The following ANKRD30BL variants were observed in gnomAD, a reference collection of about 807,000 sequenced individuals.
ANKRD30BL encodes the protein putative ankyrin repeat domain-containing protein 30B-like.
Under a neutral mutation model 18.4 loss-of-function variants are expected in ANKRD30BL, and 20 were observed. The ratio of observed to expected loss-of-function variants is 1.09; its 90% CI spans 0.77 to 1.58. ANKRD30BL has a LOEUF of 1.58. Ranked by LOEUF, ANKRD30BL falls within the 40% of genes most tolerant of loss-of-function variation. The probability of loss-of-function intolerance (pLI) is 0.00; values close to 1 mark genes in which losing one functional copy is unlikely to be tolerated. For synonymous variants in ANKRD30BL, 72 were observed against 100.9 expected, an observed-to-expected ratio of 0.71 and a Z score of 1.72; for missense variants, 224 against 268.6, an observed-to-expected ratio of 0.83 and a Z score of 1.16.
At chr2:132,226,137 G>A (rs1356443298) in intron 1 of ANKRD30BL, among the ~76,000 whole-genome samples, 5 of 151,928 alleles carry the variant, frequency 3.3e-5, no homozygotes, top group Non-Finnish European at 5.9e-5. Context: ...TCTGCAAGGG[G>A]ATATTTTGAC....
intron 1 of ANKRD30BL, among the ~76,000 whole-genome samples, chr2:132,194,722 T>G (rs1229340199): frequency 2.0e-5 from 3 of 152,322 alleles, no homozygotes; most frequent in African/African-American, 7.2e-5. Flanking sequence ...CATGGTGGTG[T>G]TTGCCTTTAG....
chr2:132,180,518 G>C (rs1204848764), intron 1 of ANKRD30BL, among the ~76,000 whole-genome samples: 13 of 152,142 alleles, frequency 8.5e-5, no homozygotes, highest in Non-Finnish European at 1.3e-4. Flanking sequence ...GGCATGCAGA[G>C]AGGGCAATTC....
intron 1 of ANKRD30BL, among the ~76,000 whole-genome samples, chr2:132,222,497 ATTC>A (rs1197281600): frequency 2.0e-5 from 3 of 152,142 alleles, no homozygotes; most frequent in African/African-American, 7.2e-5. Context: ...ACTGGGAAAA[ATTC>A]TTCTGCCTTG....
chr2:132,204,043 G>A (rs1292735153), intron 1 of ANKRD30BL, among the ~76,000 whole-genome samples: 2 of 152,278 alleles, frequency 1.3e-5, no homozygotes, highest in African/African-American at 2.4e-5. Flanking sequence ...TTATAATAGA[G>A]GAAGTTATCT....
chr2:132,196,709 CAGG>C (rs1157255393), intron 1 of ANKRD30BL, among the ~76,000 whole-genome samples: 1 of 151,502 alleles, frequency 6.6e-6, no homozygotes, highest in East Asian at 1.9e-4. Context: ...GAGGCTGAGG[CAGG>C]AGGAGAGTCA....
chr2:132,221,561 C>T (rs376136147), intron 1 of ANKRD30BL, among the ~76,000 whole-genome samples: 3,839 of 126,200 alleles, frequency 0.03, 328 homozygotes, highest in East Asian at 0.22. Context: ...GTCAGCCCCC[C>T]GCCCGGCCAG....
intron 4 of ANKRD30BL, chr2:132,153,391 G>A: frequency 2.7e-6 from 1 of 373,998 alleles, no homozygotes; most frequent in Non-Finnish European, 5.4e-6. Context: ...GACAACATTA[G>A]CGTCCCTAAA....
chr2:132,158,620 A>G (rs1687974747), intron 1 of ANKRD30BL, among the ~76,000 whole-genome samples: 1 of 151,454 alleles, frequency 6.6e-6, no homozygotes, highest in African/African-American at 2.4e-5. Flanking sequence ...TGTATCTTCT[A>G]CATAATAGGC....
At chr2:132,228,868 A>T (rs1000405687) in intron 1 of ANKRD30BL, among the ~76,000 whole-genome samples, 13 of 151,482 alleles carry the variant, frequency 8.6e-5, no homozygotes, top group Non-Finnish European at 1.6e-4. Flanking sequence ...GCACTTTGGA[A>T]ACTCTCTTTT....
chr2:132,153,759 T>C (rs189922715), intron 4 of ANKRD30BL: 98 of 754,388 alleles, frequency 1.3e-4, no homozygotes, highest in Middle Eastern at 9.4e-4. Context: ...CCTGTCAGTA[T>C]AGAATTAACC....
intron 1 of ANKRD30BL, among the ~76,000 whole-genome samples, chr2:132,219,729 C>CT (rs929961205): frequency 4.6e-5 from 7 of 151,348 alleles, no homozygotes; most frequent in East Asian, 2.0e-4. Flanking sequence ...AGAGTTGAAC[C>CT]TTTTTTTTGA....
In ANKRD30BL at chr2:132,231,054, T is replaced by C. The variant is rs61230033; in HGVS notation, n.441+26475A>G. Among the ~76,000 whole-genome samples the C allele has an allele frequency of 8.2e-3, 1,246 of 152,058 alleles. 14 individuals are homozygous for C. Among genetic ancestry groups the C allele is most frequent in the African/African-American group, 0.028 (1,160 of 41,506 alleles). On this transcript the variant is annotated intron_variant and non_coding_transcript_variant, in intron 1 of 4. Coordinates refer to the ANKRD30BL transcript ENST00000470729. ...GTGCTGTGGCATTCAAGTAAGGGAG[T>C]TGAACCTTTATTTTGAAAGAGCAGG...
intron 1 of ANKRD30BL, among the ~76,000 whole-genome samples, chr2:132,206,063 C>T (rs1376740719): frequency 6.6e-6 from 1 of 152,008 alleles, no homozygotes; most frequent in African/African-American, 2.4e-5. Context: ...GAGGCTGAGA[C>T]AGGAGAATCA....
intron 1 of ANKRD30BL, among the ~76,000 whole-genome samples, chr2:132,243,528 C>G (rs796951351): frequency 6.6e-6 from 1 of 151,006 alleles, no homozygotes; most frequent in Non-Finnish European, 1.5e-5. Context: ...TGGATATTAA[C>G]ACAGCACTGA....
chr2:132,196,836 A>T (rs1678978664), intron 1 of ANKRD30BL, among the ~76,000 whole-genome samples: 1 of 152,168 alleles, frequency 6.6e-6, no homozygotes, highest in Non-Finnish European at 1.5e-5. Context: ...TAAAAGCTCT[A>T]GAAATGAAAA....
intron 1 of ANKRD30BL, among the ~76,000 whole-genome samples, chr2:132,252,982 C>T (rs1405995439): frequency 6.6e-6 from 1 of 152,000 alleles, no homozygotes; most frequent in Non-Finnish European, 1.5e-5. Flanking sequence ...CCACCCAACG[C>T]GTGACTACAC....
intron 1 of ANKRD30BL, among the ~76,000 whole-genome samples, chr2:132,236,529 C>A (rs1421791970): frequency 3.3e-5 from 5 of 152,224 alleles, no homozygotes; most frequent in African/African-American, 7.2e-5. Flanking sequence ...AAAAAATGCT[C>A]ATCATCACTG....
At chr2:132,211,110 A>T (rs1393153869) in intron 1 of ANKRD30BL, among the ~76,000 whole-genome samples, 1 of 152,100 alleles carries the variant, frequency 6.6e-6, no homozygotes, top group Non-Finnish European at 1.5e-5. Flanking sequence ...GTGTGCATTC[A>T]TCTCACAGTG....
intron 1 of ANKRD30BL, among the ~76,000 whole-genome samples, chr2:132,202,340 G>A (rs895615670): frequency 1.1e-4 from 17 of 151,616 alleles, no homozygotes; most frequent in Non-Finnish European, 1.6e-4. Context: ...AATAAAGAGG[G>A]CATTATAAAA....
Sources: gnomAD v4.1 joint callset for allele counts (sites outside exome capture counted in the v4.1 genomes callset) on GRCh38, gnomAD v4.1.1 for gene constraint, MANE v1.5 for transcripts, NCBI Gene and HGNC (gene_info 2026-07-23, HGNC 2026-07-21) for gene names.